Variants in CTTNBP2NL observed in about 807,000 individuals in gnomAD.
CTTNBP2NL encodes CTTNBP2 N-terminal-like protein.
In CTTNBP2NL, 16 loss-of-function variants were observed where a neutral mutation model predicts 32.5. That is an observed-to-expected ratio of 0.49 (90% confidence interval 0.33 to 0.75). CTTNBP2NL has a LOEUF of 0.75. Among genes scored for constraint, CTTNBP2NL ranks in the 30% least tolerant of loss-of-function variants. The pLI is 0.02. For synonymous variants in CTTNBP2NL, 298 were observed against 289.4 expected, an observed-to-expected ratio of 1.03 and a Z score of -0.30; for missense variants, 645 against 756.0, an observed-to-expected ratio of 0.85 and a Z score of 1.72.
chr1:112,392,595 T>G (rs1368667536), upstream of CTTNBP2NL, among the ~76,000 whole-genome samples: 1 of 152,126 alleles, frequency 6.6e-6, no homozygotes, highest in Non-Finnish European at 1.5e-5. Context: ...GCAGATGTCA[T>G]GAGTTCAGAT....
At chr1:112,445,340 A>G (rs1178580804) in intron 3 of CTTNBP2NL, among the ~76,000 whole-genome samples, 3 of 151,788 alleles carry the variant, frequency 2.0e-5, no homozygotes, top group Non-Finnish European at 4.4e-5. Context: ...ATCATTACAC[A>G]CCCCCATTAA....
At chr1:112,423,748 G>A (rs974455759) in intron 3 of CTTNBP2NL, among the ~76,000 whole-genome samples, 4 of 152,298 alleles carry the variant, frequency 2.6e-5, no homozygotes, top group Admixed American at 2.6e-4. Context: ...TTTTGAGACG[G>A]AGTCTCGCTG....
At position 112,456,809 on chromosome 1, in the gene CTTNBP2NL, G is replaced by A. The variant is rs1427028865; in HGVS notation, c.1317G>A (p.Gly439=). 6.2e-7 allele frequency: 1 copy of A among 1,614,030 alleles called. No homozygotes were observed. Among genetic ancestry groups the A allele is most frequent in the Non-Finnish European group, 8.5e-7 (1 of 1,180,018 alleles). Residue 439 remains glycine (G), a synonymous_variant, in exon 6 of 6, where the codon GGG becomes GGA. Coordinates refer to ENST00000271277, the MANE Select transcript of CTTNBP2NL (RefSeq NM_018704.3). ...SSPVLTKRLL[G]SSASSPGYQS... is the part of the protein sequence containing the mutation. Reference sequence around the variant, plus strand: ...CGGTACTCACTAAGCGTTTATTGGGGTCATCAGCTAGCAGCCCTGGCTACC... The same window carrying A: ...CGGTACTCACTAAGCGTTTATTGGGATCATCAGCTAGCAGCCCTGGCTACC...
intron 3 of CTTNBP2NL, among the ~76,000 whole-genome samples, chr1:112,425,402 CA>C (rs1649364592): frequency 6.6e-6 from 1 of 152,044 alleles, no homozygotes; most frequent in Non-Finnish European, 1.5e-5. Flanking sequence ...ACCTGGGAGG[CA>C]AAGGTTGCAG....
chr1:112,444,805 G>A (rs985741737), intron 3 of CTTNBP2NL, among the ~76,000 whole-genome samples: 5 of 151,998 alleles, frequency 3.3e-5, no homozygotes, highest in Non-Finnish European at 7.4e-5. Flanking sequence ...ATTTTGACCC[G>A]AGATATAAAT....
chr1:112,409,597 G>A (rs1451240584), intron 1 of CTTNBP2NL, among the ~76,000 whole-genome samples: 1 of 152,124 alleles, frequency 6.6e-6, no homozygotes, highest in Non-Finnish European at 1.5e-5. Context: ...CATCTTGCTT[G>A]TACTCCACCC....
At chr1:112,446,738 C>G (rs1290278062) in intron 3 of CTTNBP2NL, among the ~76,000 whole-genome samples, 1 of 152,076 alleles carries the variant, frequency 6.6e-6, no homozygotes, top group Non-Finnish European at 1.5e-5. Flanking sequence ...TTTGTAGAGA[C>G]AAGGTCTCCC....
chr1:112,415,296 A>C (rs2101001483), intron 2 of CTTNBP2NL, among the ~76,000 whole-genome samples: 1 of 152,312 alleles, frequency 6.6e-6, no homozygotes, highest in Non-Finnish European at 1.5e-5. Flanking sequence ...CAAGATATAA[A>C]TATTGTGTTA....
intron 3 of CTTNBP2NL, among the ~76,000 whole-genome samples, chr1:112,436,671 CTTTTA>C (rs1649740436): frequency 3.4e-5 from 5 of 146,334 alleles, no homozygotes; most frequent in African/African-American, 7.6e-5. Context: ...TTTTTTTTAA[CTTTTA>C]TTTTAAGTTC....
chr1:112,444,234 G>A (rs531771847), intron 3 of CTTNBP2NL, among the ~76,000 whole-genome samples: 2 of 152,120 alleles, frequency 1.3e-5, no homozygotes, highest in Admixed American at 6.5e-5. Flanking sequence ...GATTTTGAAC[G>A]ATTTTTCATG....
intron 5 of CTTNBP2NL, among the ~76,000 whole-genome samples, chr1:112,455,409 A>G (rs1479120768): frequency 1.3e-5 from 2 of 152,190 alleles, no homozygotes; most frequent in African/African-American, 4.8e-5. Flanking sequence ...AGGCTGAGGC[A>G]GGAGAATCGC....
intron 2 of CTTNBP2NL, chr1:112,414,977 C>T (rs1176514921): frequency 6.6e-6 from 1 of 152,200 alleles, no homozygotes; most frequent in African/African-American, 2.4e-5. Context: ...CACTTGAGCC[C>T]AGGAGTTTGA....
chr1:112,430,546 C>CTT (rs552996822), intron 3 of CTTNBP2NL, among the ~76,000 whole-genome samples: 14 of 80,484 alleles, frequency 1.7e-4, no homozygotes, highest in East Asian at 4.1e-4. Context: ...CCATAGCTAG[C>CTT]TTTTTTTTTT....
chr1:112,456,504 C>T lies in CTTNBP2NL; in HGVS notation c.1012C>T (p.Pro338Ser). Residue 338 changes from proline (P) to serine (S), a missense_variant, in exon 6 of 6, where the codon CCT (proline) becomes TCT (serine). Transcript: ENST00000271277. ...GATGACAAACACTGGGCTGCCTGGT[C>T]CTGCCACTCCTGCTTACTCATATGC... ...AKMTNTGLPG[P>S]ATPAYSYAKT... The T allele has an allele frequency of 6.2e-7, 1 of 1,614,134 alleles. No homozygotes were observed.
At position 112,434,310 on chromosome 1, in the gene CTTNBP2NL, C is replaced by G. The variant is rs114582937; in HGVS notation, c.100-14632C>G. The stretch of plus-strand genomic sequence containing the variant: ...CAGTCTCAGCATCCTTCCCTAAAAG[C>G]CTGTGTGTTCTGCCTTTGTTCTCTG... On this transcript the variant is annotated intron_variant, in intron 3 of 5. Coordinates refer to ENST00000271277, the MANE Select transcript of CTTNBP2NL (RefSeq NM_018704.3). Among the ~76,000 whole-genome samples, 355 of 152,286 alleles carry G rather than the reference C, an allele frequency of 2.3e-3. 2 individuals carry two copies. Among genetic ancestry groups the G allele is most frequent in the African/African-American group, 8.0e-3 (333 of 41,562 alleles).
At chr1:112,443,935 G>A (rs1649967375) in intron 3 of CTTNBP2NL, among the ~76,000 whole-genome samples, 1 of 152,148 alleles carries the variant, frequency 6.6e-6, no homozygotes, top group Non-Finnish European at 1.5e-5. Flanking sequence ...ACAGTAAATA[G>A]ATTCAGTGTG....
At chr1:112,430,679 G>A (rs1286807786) in intron 3 of CTTNBP2NL, among the ~76,000 whole-genome samples, 9 of 150,066 alleles carry the variant, frequency 6.0e-5, no homozygotes, top group South Asian at 2.1e-4. Flanking sequence ...TCAGCCTCCC[G>A]AATAGCTGGG....
At chr1:112,393,855 C>T (rs1162783926), upstream of CTTNBP2NL, among the ~76,000 whole-genome samples, 1 of 152,132 alleles carries the variant, frequency 6.6e-6, no homozygotes, top group Non-Finnish European at 1.5e-5. Context: ...CCCACCCAGT[C>T]AGCCAGGGAA....
upstream of CTTNBP2NL, among the ~76,000 whole-genome samples, chr1:112,395,703 A>G (rs1648296754): frequency 6.6e-6 from 1 of 151,354 alleles, no homozygotes; most frequent in Admixed American, 6.6e-5. Context: ...TGCTTCCAGC[A>G]CCACGCCCAC....
Sources: allele counts gnomAD v4.1 joint callset (sites outside exome capture counted in the v4.1 genomes callset), GRCh38; gene constraint gnomAD v4.1.1; transcripts MANE v1.5; gene names NCBI Gene and HGNC (gene_info 2026-07-23, HGNC 2026-07-21).